ASCC3: variants seen among roughly 807,000 people sequenced by gnomAD.
ASCC3 encodes activating signal cointegrator 1 complex subunit 3.
In ASCC3, 158 loss-of-function variants were observed where a neutral mutation model predicts 256.3. The ratio of observed to expected loss-of-function variants is 0.62; its 90% CI spans 0.54 to 0.70. The LOEUF (loss-of-function observed/expected upper bound fraction) is 0.70. Among genes scored for constraint, ASCC3 ranks in the 30% least tolerant of loss-of-function variants. ASCC3 has a pLI of 0.00. For synonymous variants in ASCC3, 948 were observed against 883.4 expected, an observed-to-expected ratio of 1.07 and a Z score of -1.30; for missense variants, 2,259 against 2,626.0, an observed-to-expected ratio of 0.86 and a Z score of 3.05.
At chr6:100,826,090 T>C (rs977103216) in intron 4 of ASCC3, among the ~76,000 whole-genome samples, 2 of 152,040 alleles carry the variant, frequency 1.3e-5, no homozygotes, top group Non-Finnish European at 2.9e-5. Context: ...TTTAATTTTT[T>C]TTCCACATGA....
intron 1 of ASCC3, among the ~76,000 whole-genome samples, chr6:100,872,475 G>T (rs531565210): frequency 8.4e-6 from 1 of 118,598 alleles, no homozygotes; most frequent in Non-Finnish European, 1.7e-5. Context: ...GGGTCGGGGG[G>T]GGATCATGGC....
intron 36 of ASCC3, among the ~76,000 whole-genome samples, chr6:100,547,693 A>G (rs1198272726): frequency 6.6e-6 from 1 of 152,038 alleles, no homozygotes; most frequent in African/African-American, 2.4e-5. Flanking sequence ...AGCTGGTGGG[A>G]ATGTAAGATG....
At chr6:100,756,500 A>G (rs1354549960) in intron 10 of ASCC3, among the ~76,000 whole-genome samples, 1 of 152,132 alleles carries the variant, frequency 6.6e-6, no homozygotes, top group Non-Finnish European at 1.5e-5. Context: ...GCATTAGAAT[A>G]ATAAAATTGT....
At chr6:100,584,531 T>C (rs1771531896) in intron 36 of ASCC3, among the ~76,000 whole-genome samples, 4 of 152,192 alleles carry the variant, frequency 2.6e-5, no homozygotes, top group Admixed American at 2.6e-4. Flanking sequence ...GGGTCTTGAC[T>C]CTATCCAATT....
intron 3 of ASCC3, among the ~76,000 whole-genome samples, chr6:100,863,262 G>A (rs1773313098): frequency 6.6e-6 from 1 of 152,124 alleles, no homozygotes; most frequent in African/African-American, 2.4e-5. Flanking sequence ...AGTAACCTGA[G>A]TTCGTATACA....
intron 36 of ASCC3, among the ~76,000 whole-genome samples, chr6:100,586,779 G>A (rs780007912): frequency 3.3e-5 from 5 of 152,004 alleles, no homozygotes; most frequent in Admixed American, 6.6e-5. Context: ...ATTTCTATAC[G>A]TTATTAATAC....
At chr6:100,866,694 A>G (rs1773497904) in intron 2 of ASCC3, among the ~76,000 whole-genome samples, 1 of 152,330 alleles carries the variant, frequency 6.6e-6, no homozygotes, top group Middle Eastern at 3.4e-3. Context: ...AGGACAAATC[A>G]TGTGAGGACA....
intron 1 of ASCC3, among the ~76,000 whole-genome samples, chr6:100,880,271 G>C (rs1417055304): frequency 6.6e-6 from 1 of 151,870 alleles, no homozygotes; most frequent in Non-Finnish European, 1.5e-5. Context: ...CTCAACATTT[G>C]AGAACTTTGA....
chr6:100,698,468 A>T (rs1269165100), intron 13 of ASCC3, among the ~76,000 whole-genome samples: 3 of 152,120 alleles, frequency 2.0e-5, no homozygotes, highest in Admixed American at 1.3e-4. Context: ...AAGGGCTCCA[A>T]ATTTACTACT....
At chr6:100,770,735 C>T (rs1402611833) in intron 8 of ASCC3, among the ~76,000 whole-genome samples, 1 of 151,788 alleles carries the variant, frequency 6.6e-6, no homozygotes, top group Non-Finnish European at 1.5e-5. Flanking sequence ...GTAAAAATAG[C>T]ACTCTGTTAT....
intron 4 of ASCC3, among the ~76,000 whole-genome samples, chr6:100,809,980 C>T (rs1285793076): frequency 6.6e-6 from 1 of 152,092 alleles, no homozygotes; most frequent in South Asian, 2.1e-4. Context: ...CTCTACTATA[C>T]TAACACGCAA....
chr6:100,605,766 T>A (rs1772853069), intron 32 of ASCC3, 66 bp from the exon 33 acceptor site: 1 of 1,529,018 alleles, frequency 6.5e-7, no homozygotes, highest in Non-Finnish European at 9.0e-7. Flanking sequence ...ATTTACTGAT[T>A]ATGGCATGCT....
At chr6:100,853,278 G>C (rs911565283) in intron 3 of ASCC3, among the ~76,000 whole-genome samples, 2 of 152,064 alleles carry the variant, frequency 1.3e-5, no homozygotes, top group African/African-American at 4.8e-5. Flanking sequence ...AAAATATTAA[G>C]AATTAAGTGG....
At chr6:100,873,177 A>C (rs1773834304) in intron 1 of ASCC3, among the ~76,000 whole-genome samples, 1 of 152,222 alleles carries the variant, frequency 6.6e-6, no homozygotes, top group Non-Finnish European at 1.5e-5. Context: ...TGACATAGAC[A>C]ACATAAATAA....
chr6:100,843,309 A>T (rs1562337472), intron 4 of ASCC3, among the ~76,000 whole-genome samples: 1 of 152,160 alleles, frequency 6.6e-6, no homozygotes, highest in Non-Finnish European at 1.5e-5. Context: ...GACATCAGAC[A>T]CATATCTGGA....
intron 8 of ASCC3, among the ~76,000 whole-genome samples, chr6:100,777,491 T>C (rs1782246784): frequency 6.6e-6 from 1 of 152,066 alleles, no homozygotes; most frequent in African/African-American, 2.4e-5. Flanking sequence ...AAAATCAACA[T>C]GTTTACTAAT....
At chr6:100,743,738 A>C (rs1339804115) in intron 10 of ASCC3, among the ~76,000 whole-genome samples, 3 of 152,224 alleles carry the variant, frequency 2.0e-5, no homozygotes, top group Non-Finnish European at 4.4e-5. Flanking sequence ...AATATCTTTC[A>C]CTCATGCATT....
At chr6:100,634,941 T>C (rs1202778351) in intron 25 of ASCC3, among the ~76,000 whole-genome samples, 2 of 151,146 alleles carry the variant, frequency 1.3e-5, no homozygotes, top group African/African-American at 2.4e-5. Flanking sequence ...AAAAGGTAAC[T>C]GTTACTGTAC....
At chr6:100,860,446 G>A (rs1186804720) in intron 3 of ASCC3, among the ~76,000 whole-genome samples, 1 of 151,862 alleles carries the variant, frequency 6.6e-6, no homozygotes. Context: ...GGTGAGAGGA[G>A]GAATACTTAA....
Sources: gnomAD v4.1 joint callset for allele counts (sites outside exome capture counted in the v4.1 genomes callset) on GRCh38, gnomAD v4.1.1 for gene constraint, MANE v1.5 for transcripts, NCBI Gene and HGNC (gene_info 2026-07-23, HGNC 2026-07-21) for gene names.